The following SUGCT variants were observed in gnomAD, a reference collection of about 807,000 sequenced individuals.
SUGCT encodes succinyl-CoA:glutarate CoA-transferase.
In SUGCT, 41 loss-of-function variants were observed where a neutral mutation model predicts 55.0. That is an observed-to-expected ratio of 0.74 (90% CI 0.58 to 0.97). SUGCT has a LOEUF of 0.97. SUGCT is among the 50% of genes least tolerant of loss of function. SUGCT has a pLI of 0.00. For missense variants in SUGCT, 568 were observed against 547.8 expected (o/e 1.04, Z -0.37); for synonymous variants, 187 against 200.4 (o/e 0.93, Z 0.56).
At chr7:40,408,304 C>A (rs1786489932) in intron 9 of SUGCT, among the ~76,000 whole-genome samples, 1 of 152,126 alleles carries the variant, frequency 6.6e-6, no homozygotes, top group South Asian at 2.1e-4. Flanking sequence ...ATTTAGGAAA[C>A]CTAGTCCTTA....
At chr7:40,260,201 A>AT (rs1349474660) in intron 7 of SUGCT, among the ~76,000 whole-genome samples, 4 of 151,890 alleles carry the variant, frequency 2.6e-5, no homozygotes, top group African/African-American at 7.3e-5. Context: ...TTGTTTTGCC[A>AT]TTTTTTCCCT....
chr7:40,398,165 C>G lies in SUGCT; in HGVS notation c.817-51122C>G, dbSNP rs545561441. Among the ~76,000 whole-genome samples the G allele has an allele frequency of 3.9e-5, 6 of 152,298 alleles. No individual in the cohort carries two copies. The East Asian group carries it at 9.7e-4, about 25-fold the overall frequency. On this transcript the variant is annotated intron_variant, in intron 9 of 13. Transcript: ENST00000335693. ...GGAGTGCAGTGGCACGATCTCAGCA[C>G]GCTGCAACCTCCGCCTCCCGGGTTC...
intron 9 of SUGCT, among the ~76,000 whole-genome samples, chr7:40,327,940 C>A (rs533583490): frequency 4.4e-4 from 67 of 152,270 alleles, no homozygotes; most frequent in African/African-American, 1.5e-3. Flanking sequence ...CATGTGGAAA[C>A]TGAGGCATAG....
At chr7:40,902,863 C>T in the SUGCT span, among the ~76,000 whole-genome samples, 2 of 151,878 alleles carry the variant, frequency 1.3e-5, no homozygotes, top group Admixed American at 1.3e-4. Flanking sequence ...CCAAGAGATA[C>T]CCTGTAGCTG....
At chr7:40,192,262 G>A (rs1785961699) in intron 5 of SUGCT, among the ~76,000 whole-genome samples, 1 of 152,054 alleles carries the variant, frequency 6.6e-6, no homozygotes, top group Non-Finnish European at 1.5e-5. Context: ...GCTTCAAAAA[G>A]TATGACTCCT....
intron 12 of SUGCT, among the ~76,000 whole-genome samples, chr7:40,507,937 T>A (rs973437696): frequency 9.9e-5 from 15 of 152,190 alleles, no homozygotes; most frequent in African/African-American, 3.6e-4. Flanking sequence ...GCTAGTATCA[T>A]GAAGCTAACA....
intron 5 of SUGCT, among the ~76,000 whole-genome samples, chr7:40,192,137 C>G (rs947518279): frequency 4.9e-5 from 7 of 142,796 alleles, no homozygotes; most frequent in African/African-American, 1.8e-4. Context: ...AAAGGATTAG[C>G]AAAAATAACC....
At chr7:40,937,999 T>G in the SUGCT span, among the ~76,000 whole-genome samples, 4 of 152,174 alleles carry the variant, frequency 2.6e-5, no homozygotes, top group Admixed American at 6.6e-5. Context: ...CAATTGGGTT[T>G]GTGCTCCTGT....
intron 8 of SUGCT, among the ~76,000 whole-genome samples, chr7:40,278,439 G>A (rs1792688312): frequency 6.6e-6 from 1 of 152,084 alleles, no homozygotes; most frequent in Non-Finnish European, 1.5e-5. Context: ...TATACCCAAA[G>A]GACTATAAAT....
chr7:40,885,117 A>C, the SUGCT span, among the ~76,000 whole-genome samples: 4 of 152,168 alleles, frequency 2.6e-5, no homozygotes, highest in African/African-American at 9.7e-5. Context: ...TAGTGATAGT[A>C]GTGGTAGTTG....
chr7:40,346,831 A>G (rs1364341674), intron 9 of SUGCT, among the ~76,000 whole-genome samples: 1 of 152,180 alleles, frequency 6.6e-6, no homozygotes, highest in Non-Finnish European at 1.5e-5. Flanking sequence ...ACATTTACTG[A>G]GGAAAGGCCA....
chr7:40,548,667 C>T (rs1795141482), intron 12 of SUGCT, among the ~76,000 whole-genome samples: 1 of 152,126 alleles, frequency 6.6e-6, no homozygotes, highest in South Asian at 2.1e-4. Flanking sequence ...AGTGAACCTA[C>T]ATTGACCCAT....
intron 9 of SUGCT, among the ~76,000 whole-genome samples, chr7:40,397,187 C>T (rs2151313996): frequency 6.6e-6 from 1 of 152,296 alleles, no homozygotes; most frequent in Middle Eastern, 3.4e-3. Context: ...CCAGCCAAAG[C>T]AGACTGTATC....
chr7:40,363,694 C>G (rs1798266975), intron 9 of SUGCT, among the ~76,000 whole-genome samples: 1 of 152,096 alleles, frequency 6.6e-6, no homozygotes, highest in Non-Finnish European at 1.5e-5. Flanking sequence ...GTTATAATTT[C>G]TGTTCTTTTA....
At chr7:40,564,653 T>C (rs1391331010) in intron 12 of SUGCT, among the ~76,000 whole-genome samples, 2 of 152,130 alleles carry the variant, frequency 1.3e-5, no homozygotes, top group African/African-American at 2.4e-5. Flanking sequence ...ATGAAGAAAA[T>C]TGTATAACCT....
At chr7:40,842,772 T>C (rs1793340807) in intron 13 of SUGCT, among the ~76,000 whole-genome samples, 2 of 152,336 alleles carry the variant, frequency 1.3e-5, no homozygotes, top group South Asian at 4.1e-4. Context: ...GAATGTTTCA[T>C]TTTTGGAATA....
the SUGCT span, among the ~76,000 whole-genome samples, chr7:40,919,529 G>T: frequency 5.3e-5 from 8 of 152,208 alleles, no homozygotes; most frequent in African/African-American, 1.7e-4. Context: ...TGATTGACAG[G>T]TTTCCTCATC....
At chr7:40,597,495 TG>T (rs1380221814) in intron 12 of SUGCT, among the ~76,000 whole-genome samples, 4 of 152,236 alleles carry the variant, frequency 2.6e-5, no homozygotes, top group Non-Finnish European at 4.4e-5. Flanking sequence ...TCATCAGTGC[TG>T]TTTACCAAAT....
intron 13 of SUGCT, among the ~76,000 whole-genome samples, chr7:40,795,549 TTCCATA>T (rs1217151212): frequency 2.6e-5 from 4 of 152,132 alleles, no homozygotes; most frequent in Non-Finnish European, 5.9e-5. Context: ...AAAGCAGGGG[TTCCATA>T]TCTTGAACTG....
Sources: gnomAD v4.1 joint callset for allele counts (sites outside exome capture counted in the v4.1 genomes callset) on GRCh38, gnomAD v4.1.1 for gene constraint, MANE v1.5 for transcripts, NCBI Gene and HGNC (gene_info 2026-07-23, HGNC 2026-07-21) for gene names.